The following KIAA0825 variants were observed in gnomAD, a reference collection of about 807,000 sequenced individuals.
KIAA0825 encodes the protein KIAA0825, also known as uncharacterized protein KIAA0825.
In KIAA0825, 119 loss-of-function variants were observed where a neutral mutation model predicts 147.6. The ratio of observed to expected loss-of-function variants is 0.81; its 90% CI spans 0.69 to 0.94. The LOEUF (loss-of-function observed/expected upper bound fraction) is 0.94. Among genes scored for constraint, KIAA0825 ranks in the 40% least tolerant of loss-of-function variants. The pLI is 0.00. For missense variants in KIAA0825, 1,381 were observed against 1,472.7 expected (o/e 0.94, Z 1.02); for synonymous variants, 470 against 518.1 (o/e 0.91, Z 1.26).
chr5:94,231,775 G>T (rs1006639353), intron 20 of KIAA0825, among the ~76,000 whole-genome samples: 1 of 152,110 alleles, frequency 6.6e-6, no homozygotes, highest in African/African-American at 2.4e-5. Flanking sequence ...TAAATGTCCA[G>T]TTATAGATAA....
At position 94,158,592 on chromosome 5, in the gene KIAA0825, G is replaced by C. The variant is rs571071625; in HGVS notation, c.3711-4468C>G. ...AGAATCTCCAAATAATATTGAATAAGAATAGGTATACTAAAATAGGAAGAA... is the reference window on the plus strand; with the variant it reads ...AGAATCTCCAAATAATATTGAATAACAATAGGTATACTAAAATAGGAAGAA... On this transcript the variant is annotated intron_variant, in intron 20 of 20. Coordinates refer to ENST00000682413, the MANE Select transcript of KIAA0825 (RefSeq NM_001145678.3). Among the ~76,000 whole-genome samples, 3 of 152,244 alleles carry C rather than the reference G, an allele frequency of 2.0e-5. No individual in the cohort carries two copies. The East Asian group carries it at 5.8e-4, about 29-fold the overall frequency.
At chr5:94,564,215 T>G (rs1315641288) in intron 2 of KIAA0825, among the ~76,000 whole-genome samples, 2 of 69,704 alleles carry the variant, frequency 2.9e-5, no homozygotes, top group Admixed American at 1.8e-4. Flanking sequence ...ATTCCCCTTG[T>G]TTTTTTTTTT....
At chr5:94,210,312 G>T (rs576963213) in intron 20 of KIAA0825, among the ~76,000 whole-genome samples, 2 of 152,150 alleles carry the variant, frequency 1.3e-5, no homozygotes, top group Non-Finnish European at 2.9e-5. Context: ...AACATGATTA[G>T]CAACTGCTTC....
intron 1 of KIAA0825, among the ~76,000 whole-genome samples, chr5:94,583,246 C>T (rs1782573348): frequency 6.6e-6 from 1 of 152,212 alleles, no homozygotes; most frequent in African/African-American, 2.4e-5. Context: ...ATTTCCCTTT[C>T]CTAGCCAAGG....
chr5:94,277,559 A>G (rs1777275882), intron 20 of KIAA0825, among the ~76,000 whole-genome samples: 1 of 152,210 alleles, frequency 6.6e-6, no homozygotes, highest in African/African-American at 2.4e-5. Flanking sequence ...ACAATGAGAT[A>G]CCATCTCACA....
chr5:94,423,351 C>A (rs1399097630), intron 14 of KIAA0825, among the ~76,000 whole-genome samples: 1 of 152,114 alleles, frequency 6.6e-6, no homozygotes, highest in Non-Finnish European at 1.5e-5. Flanking sequence ...ATAGATTATA[C>A]AAACAAATGT....
chr5:94,196,622 C>T (rs1250271767), intron 20 of KIAA0825, among the ~76,000 whole-genome samples: 2 of 152,084 alleles, frequency 1.3e-5, no homozygotes, highest in Non-Finnish European at 2.9e-5. Context: ...CTCCTTCCAC[C>T]CTTTCACCTC....
At chr5:94,574,560 A>G (rs866010382) in intron 2 of KIAA0825, among the ~76,000 whole-genome samples, 74 of 150,204 alleles carry the variant, frequency 4.9e-4, no homozygotes, top group African/African-American at 9.6e-4. Flanking sequence ...AAAAAAAAAA[A>G]AAAAAGAAAA....
chr5:94,194,415 TCACCATGAGG>T (rs1770942271), intron 20 of KIAA0825, among the ~76,000 whole-genome samples: 1 of 152,122 alleles, frequency 6.6e-6, no homozygotes, highest in South Asian at 2.1e-4. Flanking sequence ...AGTTTAACTA[TCACCATGAGG>T]CCAGTGACCC....
chr5:94,493,955 C>T (rs937775866), intron 5 of KIAA0825, among the ~76,000 whole-genome samples: 1 of 152,124 alleles, frequency 6.6e-6, no homozygotes, highest in African/African-American at 2.4e-5. Flanking sequence ...CCCCACGTGA[C>T]AGGGAGGTTT....
intron 10 of KIAA0825, among the ~76,000 whole-genome samples, chr5:94,467,619 A>T (rs1459972329): frequency 6.6e-6 from 1 of 152,248 alleles, no homozygotes; most frequent in Non-Finnish European, 1.5e-5. Context: ...CTGACAGTTT[A>T]GAAAATGGAA....
intron 20 of KIAA0825, among the ~76,000 whole-genome samples, chr5:94,164,424 T>TG (rs1480486111): frequency 5.3e-5 from 8 of 152,022 alleles, no homozygotes; most frequent in Non-Finnish European, 7.4e-5. Context: ...TATTTTTTTT[T>TG]TTTTTTAGAC....
At chr5:94,581,102 T>A (rs1040435808) in intron 2 of KIAA0825, among the ~76,000 whole-genome samples, 1 of 152,048 alleles carries the variant, frequency 6.6e-6, no homozygotes, top group African/African-American at 2.4e-5. Flanking sequence ...CAAAATGAAA[T>A]TAAACCTGTG....
At chr5:94,411,880 G>C (rs987503595) in intron 15 of KIAA0825, among the ~76,000 whole-genome samples, 4 of 152,084 alleles carry the variant, frequency 2.6e-5, no homozygotes, top group African/African-American at 9.7e-5. Flanking sequence ...CTGGGAGATG[G>C]AGGCTGCAGT....
chr5:94,246,342 G>T (rs1413557454), intron 20 of KIAA0825, among the ~76,000 whole-genome samples: 1 of 152,100 alleles, frequency 6.6e-6, no homozygotes, highest in Non-Finnish European at 1.5e-5. Flanking sequence ...GGAAGTTGAT[G>T]ATATAGCTTT....
chr5:94,250,477 T>C (rs1165574799), intron 20 of KIAA0825, among the ~76,000 whole-genome samples: 1 of 152,130 alleles, frequency 6.6e-6, no homozygotes, highest in African/African-American at 2.4e-5. Context: ...AGAGTAGTTA[T>C]ATAACAAAAA....
At chr5:94,249,659 A>C (rs1178281638) in intron 20 of KIAA0825, among the ~76,000 whole-genome samples, 2 of 151,920 alleles carry the variant, frequency 1.3e-5, no homozygotes, top group African/African-American at 4.8e-5. Flanking sequence ...TGCTCTTCTC[A>C]TGGCTGAGGT....
intron 20 of KIAA0825, among the ~76,000 whole-genome samples, chr5:94,207,719 A>C (rs1468882224): frequency 6.6e-6 from 1 of 152,170 alleles, no homozygotes; most frequent in Admixed American, 6.5e-5. Flanking sequence ...ACTTTCAAGA[A>C]CCTGGATAAA....
At chr5:94,300,440 T>C (rs572988733) in intron 20 of KIAA0825, among the ~76,000 whole-genome samples, 259 of 152,196 alleles carry the variant, frequency 1.7e-3, no homozygotes, top group Middle Eastern at 3.4e-3. Flanking sequence ...ATATCAAAAT[T>C]TTAAGAAAAT....
Sources: allele counts gnomAD v4.1 joint callset (sites outside exome capture counted in the v4.1 genomes callset), GRCh38; gene constraint gnomAD v4.1.1; transcripts MANE v1.5; gene names NCBI Gene and HGNC (gene_info 2026-07-23, HGNC 2026-07-21).